FCHSD2: variants seen among roughly 807,000 people sequenced by gnomAD.
FCHSD2 encodes FCH and double SH3 domains 2, also known as F-BAR and double SH3 domains protein 2.
FCHSD2 carries 38 observed loss-of-function variants against 108.1 expected under a neutral mutation model. That is an observed-to-expected ratio of 0.35 (90% CI 0.27 to 0.46). The LOEUF (loss-of-function observed/expected upper bound fraction) is 0.46, where lower values mean the gene tolerates loss of function less well. FCHSD2 is among the 20% of genes least tolerant of loss of function. FCHSD2 has a pLI of 1.00. For missense variants in FCHSD2, 751 were observed against 897.8 expected, an observed-to-expected ratio of 0.84 and a Z score of 2.09; for synonymous variants, 279 against 314.7, an observed-to-expected ratio of 0.89 and a Z score of 1.20.
chr11:73,025,586 C>G (rs955987048), intron 3 of FCHSD2, among the ~76,000 whole-genome samples: 1 of 151,948 alleles, frequency 6.6e-6, no homozygotes, highest in African/African-American at 2.4e-5. Context: ...ACCACAACCC[C>G]CGATGACACA....
At position 73,141,903 on chromosome 11, in the gene FCHSD2, C is replaced by T. The variant is rs1861257701; in HGVS notation, c.-26G>A. On this transcript the variant is annotated 5_prime_UTR_variant, in exon 1 of 20. Coordinates refer to ENST00000409418, the MANE Select transcript of FCHSD2 (RefSeq NM_014824.3). The stretch of plus-strand genomic sequence containing the variant: ...GATGCTGAAGGGACATCAATCCTCC[C>T]CGACGGCAGCGTTAGCAAGGACCAG... 6.5e-7 allele frequency: 1 copy of T among 1,540,830 alleles called. No homozygotes were observed.
At chr11:73,018,458 C>G (rs571098883) in intron 3 of FCHSD2, among the ~76,000 whole-genome samples, 14 of 151,948 alleles carry the variant, frequency 9.2e-5, no homozygotes, top group Middle Eastern at 3.4e-3. Context: ...TACACTGTTA[C>G]TGTCTGGTTT....
intron 12 of FCHSD2, among the ~76,000 whole-genome samples, chr11:72,883,786 G>C (rs767176195): frequency 6.6e-6 from 1 of 152,050 alleles, no homozygotes; most frequent in African/African-American, 2.4e-5. Flanking sequence ...AGAAAAATTA[G>C]CCAGGCATGG....
At chr11:72,846,073 TAGATAGATAGATAGATAGATA>T (rs1396536722) in intron 14 of FCHSD2, among the ~76,000 whole-genome samples, 8 of 870 alleles carry the variant, frequency 9.2e-3, no homozygotes, top group Non-Finnish European at 0.083. Context: ...GATAGATAGA[TAGATAGATAGATAGATAGATA>T]AGTAGTTACG....
At chr11:73,025,032 A>G (rs1858194851) in intron 3 of FCHSD2, among the ~76,000 whole-genome samples, 2 of 152,172 alleles carry the variant, frequency 1.3e-5, no homozygotes, top group South Asian at 4.1e-4. Flanking sequence ...ACGCTTATAC[A>G]CTGTTTATGG....
chr11:72,886,081 G>A (rs1316033338), intron 12 of FCHSD2, among the ~76,000 whole-genome samples: 1 of 152,108 alleles, frequency 6.6e-6, no homozygotes, highest in Non-Finnish European at 1.5e-5. Flanking sequence ...CAAAACCTCT[G>A]GAGTTCTAAG....
intron 8 of FCHSD2, among the ~76,000 whole-genome samples, chr11:72,928,130 G>A (rs1038603187): frequency 6.6e-6 from 1 of 151,802 alleles, no homozygotes; most frequent in African/African-American, 2.4e-5. Context: ...AATGGTTAAA[G>A]CTGGATAATG....
intron 2 of FCHSD2, among the ~76,000 whole-genome samples, chr11:73,131,623 G>A (rs537704909): frequency 1.3e-5 from 2 of 151,710 alleles, no homozygotes; most frequent in Admixed American, 6.6e-5. Context: ...AGGATCGCTT[G>A]AGTCTGGAAG....
At chr11:73,099,246 C>T (rs139932333) in intron 2 of FCHSD2, among the ~76,000 whole-genome samples, 1 of 152,040 alleles carries the variant, frequency 6.6e-6, no homozygotes, top group East Asian at 1.9e-4. Flanking sequence ...GTACTACTTC[C>T]TACCCACTAG....
chr11:73,083,601 T>C (rs942560423), intron 3 of FCHSD2, 94 bp downstream of exon 3: 28 of 687,102 alleles, frequency 4.1e-5, no homozygotes, highest in African/African-American at 1.9e-4. Context: ...AAGGAAGGCA[T>C]AGGGATAATA....
chr11:72,902,686 T>C (rs1394380416), intron 9 of FCHSD2, 48 bp from the exon 10 acceptor site: 6 of 1,097,140 alleles, frequency 5.5e-6, no homozygotes, highest in Non-Finnish European at 8.0e-6. Context: ...GGTTAAAATG[T>C]CCAATTACAT....
intron 12 of FCHSD2, among the ~76,000 whole-genome samples, chr11:72,870,683 G>A (rs1490117217): frequency 3.3e-5 from 5 of 151,762 alleles, no homozygotes; most frequent in East Asian, 3.9e-4. Context: ...GGCAGATCAC[G>A]AGGTCAGGAG....
chr11:72,974,068 G>A (rs1202564069), intron 8 of FCHSD2, among the ~76,000 whole-genome samples: 1 of 112,432 alleles, frequency 8.9e-6, no homozygotes, highest in Non-Finnish European at 1.7e-5. Flanking sequence ...AGACAGGTAA[G>A]GGCGGGGGGC....
intron 8 of FCHSD2, among the ~76,000 whole-genome samples, chr11:72,949,705 C>T (rs922581969): frequency 6.6e-6 from 1 of 152,194 alleles, no homozygotes; most frequent in African/African-American, 2.4e-5. Context: ...TAAATCATTA[C>T]TACATTCAAT....
intron 13 of FCHSD2, among the ~76,000 whole-genome samples, chr11:72,863,251 T>C (rs1854640185): frequency 6.6e-6 from 1 of 151,760 alleles, no homozygotes; most frequent in Non-Finnish European, 1.5e-5. Flanking sequence ...TTGACAATGA[T>C]GCAAAGGCAA....
rs376826474 is a variant in FCHSD2, at chr11:73,067,478, T to TAA, written c.165+16215_165+16216dup. 3.9e-3 allele frequency among the ~76,000 whole-genome samples: 568 copies of TAA among 144,882 alleles called. 3 individuals are homozygous for TAA. Among genetic ancestry groups the TAA allele is most frequent in the Middle Eastern group, 0.018 (5 of 282 alleles). On this transcript the variant is annotated intron_variant, in intron 3 of 19. Coordinates refer to ENST00000409418, the MANE Select transcript of FCHSD2 (RefSeq NM_014824.3). Reference sequence around the variant, plus strand: ...ATGTATCCCAGAACTTAAAGTATAATAAAAAAAAAAGAAAGAAAGAAAATA... The same window carrying TAA: ...ATGTATCCCAGAACTTAAAGTATAATAAAAAAAAAAAAGAAAGAAAGAAAATA...
chr11:73,005,367 G>A (rs910687979), intron 4 of FCHSD2, among the ~76,000 whole-genome samples: 8 of 152,208 alleles, frequency 5.3e-5, no homozygotes, highest in African/African-American at 1.2e-4. Flanking sequence ...CCTATGGCTA[G>A]TCCAAATAGT....
At position 72,843,535 on chromosome 11, in the gene FCHSD2, G is replaced by A; in HGVS notation, c.1444-3C>T. 1 of 1,611,356 alleles carries A rather than the reference G, an allele frequency of 6.2e-7. No homozygotes were observed. Among genetic ancestry groups the A allele is most frequent in the Non-Finnish European group, 8.5e-7 (1 of 1,177,494 alleles). On this transcript the variant is annotated splice_region_variant and splice_polypyrimidine_tract_variant and intron_variant, in intron 14 of 19. Coordinates refer to ENST00000409418, the MANE Select transcript of FCHSD2 (RefSeq NM_014824.3). ...GTCAACTCATCTGGTTGAGAAGCCT[G>A]CAGTGTAGGATGGTCATGGACAAAA...
intron 3 of FCHSD2, among the ~76,000 whole-genome samples, chr11:73,060,182 A>G (rs915917993): frequency 2.6e-5 from 4 of 152,210 alleles, no homozygotes; most frequent in African/African-American, 9.6e-5. Flanking sequence ...AAATGCAGCC[A>G]CTAATTTAAA....
Sources: allele counts gnomAD v4.1 joint callset (sites outside exome capture counted in the v4.1 genomes callset), GRCh38; gene constraint gnomAD v4.1.1; transcripts MANE v1.5; gene names NCBI Gene and HGNC (gene_info 2026-07-23, HGNC 2026-07-21).